Variants in CTNNA3 observed in about 807,000 individuals in gnomAD.
CTNNA3 encodes the protein catenin alpha 3.
A neutral mutation model predicts 95.7 loss-of-function variants in CTNNA3; 76 were observed. That is an observed-to-expected ratio of 0.79 (90% CI 0.66 to 0.96). The LOEUF is 0.96. Among genes scored for constraint, CTNNA3 ranks in the 40% least tolerant of loss-of-function variants. CTNNA3 has a pLI of 0.00. For missense variants in CTNNA3, 1,191 were observed against 1,089.8 expected (o/e 1.09, Z -1.31); for synonymous variants, 431 against 374.4 (o/e 1.15, Z -1.74).
chr10:66,086,258 A>G (rs3911781), intron 14 of CTNNA3, among the ~76,000 whole-genome samples: 27,116 of 152,078 alleles, frequency 0.18, 2,658 homozygotes, highest in South Asian at 0.36. Flanking sequence ...ATAAATGAGC[A>G]CAAAAGGAAA....
chr10:67,354,831 A>T (rs943956316), intron 5 of CTNNA3, among the ~76,000 whole-genome samples: 1 of 152,016 alleles, frequency 6.6e-6, no homozygotes, highest in African/African-American at 2.4e-5. Flanking sequence ...CAATAAAGCA[A>T]ACATTTTAAA....
chr10:67,758,612 T>C (rs893867571), intron 1 of CTNNA3, among the ~76,000 whole-genome samples: 1 of 152,054 alleles, frequency 6.6e-6, no homozygotes, highest in Non-Finnish European at 1.5e-5. Context: ...ATCCTTAAAA[T>C]TGTCCATTTC....
At chr10:67,502,311 G>C (rs1341132111) in intron 5 of CTNNA3, among the ~76,000 whole-genome samples, 1 of 152,162 alleles carries the variant, frequency 6.6e-6, no homozygotes, top group Non-Finnish European at 1.5e-5. Context: ...CTGCAGAACA[G>C]CAAAGACTGC....
intron 2 of CTNNA3, among the ~76,000 whole-genome samples, chr10:67,611,596 G>T (rs1219248632): frequency 6.6e-6 from 1 of 152,136 alleles, no homozygotes; most frequent in East Asian, 1.9e-4. Context: ...GATTACAGGC[G>T]TGAGCCACTG....
chr10:66,601,054 G>T (rs1486941930), intron 10 of CTNNA3, among the ~76,000 whole-genome samples: 1 of 151,572 alleles, frequency 6.6e-6, no homozygotes, highest in Non-Finnish European at 1.5e-5. Context: ...CTTTATAATA[G>T]AATGAGCCCA....
intron 7 of CTNNA3, among the ~76,000 whole-genome samples, chr10:66,802,832 A>G (rs1841482645): frequency 6.6e-6 from 1 of 152,004 alleles, no homozygotes; most frequent in South Asian, 2.1e-4. Flanking sequence ...TATAGCCACG[A>G]ATGTGGAGGA....
intron 13 of CTNNA3, among the ~76,000 whole-genome samples, chr10:66,215,901 T>C (rs1391131300): frequency 6.6e-6 from 1 of 152,248 alleles, no homozygotes; most frequent in Admixed American, 6.5e-5. Context: ...CCTCTGCTTC[T>C]CTCACACTAC....
intron 15 of CTNNA3, among the ~76,000 whole-genome samples, chr10:65,996,294 T>C (rs955948495): frequency 6.6e-6 from 1 of 152,132 alleles, no homozygotes; most frequent in Admixed American, 6.5e-5. Context: ...GGGGAGCACA[T>C]GCTTTGGCTC....
chr10:67,581,947 C>T (rs1435407523), intron 3 of CTNNA3, among the ~76,000 whole-genome samples: 1 of 152,064 alleles, frequency 6.6e-6, no homozygotes, highest in African/African-American at 2.4e-5. Flanking sequence ...ATTCTTCTCT[C>T]TTTTCTTCTT....
At chr10:66,763,935 A>C (rs549993217) in intron 9 of CTNNA3, among the ~76,000 whole-genome samples, 42 of 152,300 alleles carry the variant, frequency 2.8e-4, no homozygotes, top group Non-Finnish European at 5.1e-4. Context: ...TGTGACAGCA[A>C]TCACACGAGA....
At chr10:66,203,390 T>C (rs528342477) in intron 13 of CTNNA3, among the ~76,000 whole-genome samples, 2 of 152,264 alleles carry the variant, frequency 1.3e-5, no homozygotes, top group African/African-American at 4.8e-5. Context: ...TTACAAAATA[T>C]ATTTCTGAAT....
At chr10:65,929,962 C>T (rs1262147631) in intron 17 of CTNNA3, among the ~76,000 whole-genome samples, 1 of 151,898 alleles carries the variant, frequency 6.6e-6, no homozygotes, top group African/African-American at 2.4e-5. Flanking sequence ...ACAAATTCTA[C>T]CCACGGTTGA....
At chr10:66,696,877 G>A (rs574003348) in intron 9 of CTNNA3, among the ~76,000 whole-genome samples, 43 of 152,126 alleles carry the variant, frequency 2.8e-4, no homozygotes, top group South Asian at 4.1e-4. Flanking sequence ...AGGTTGAGGC[G>A]GCAGTGAGCT....
At chr10:67,068,877 T>C (rs571378586) in intron 7 of CTNNA3, among the ~76,000 whole-genome samples, 1 of 152,120 alleles carries the variant, frequency 6.6e-6, no homozygotes, top group Non-Finnish European at 1.5e-5. Flanking sequence ...CTGGCCAACA[T>C]GGTGAAACCC....
intron 5 of CTNNA3, among the ~76,000 whole-genome samples, chr10:67,322,762 T>C (rs990116969): frequency 2.6e-5 from 4 of 152,238 alleles, no homozygotes; most frequent in Admixed American, 2.0e-4. Flanking sequence ...CTGGATCAAA[T>C]GATATTTCTG....
At chr10:67,724,851 T>C (rs1229330620) in intron 1 of CTNNA3, among the ~76,000 whole-genome samples, 2 of 152,224 alleles carry the variant, frequency 1.3e-5, no homozygotes, top group Non-Finnish European at 2.9e-5. Context: ...GAAGCCTATT[T>C]GTAATAATTA....
At chr10:67,279,118 A>C (rs1252553084) in intron 5 of CTNNA3, among the ~76,000 whole-genome samples, 1 of 152,202 alleles carries the variant, frequency 6.6e-6, no homozygotes, top group East Asian at 1.9e-4. Flanking sequence ...TATGGGATCC[A>C]TACTAAATAA....
chr10:66,166,055 C>T (rs1423112636), intron 13 of CTNNA3, among the ~76,000 whole-genome samples: 3 of 151,966 alleles, frequency 2.0e-5, no homozygotes, highest in South Asian at 2.1e-4. Flanking sequence ...TGTGAGCCAC[C>T]GCACCCAGCC....
chr10:66,750,976 T>G (rs1839109326), intron 9 of CTNNA3, among the ~76,000 whole-genome samples: 1 of 152,142 alleles, frequency 6.6e-6, no homozygotes, highest in Admixed American at 6.5e-5. Context: ...ATGTTTTTAA[T>G]TTAAAATTCC....
Sources: gnomAD v4.1 joint callset for allele counts (sites outside exome capture counted in the v4.1 genomes callset) on GRCh38, gnomAD v4.1.1 for gene constraint, MANE v1.5 for transcripts, NCBI Gene and HGNC (gene_info 2026-07-23, HGNC 2026-07-21) for gene names.